CNOT10: variants seen among roughly 807,000 people sequenced by gnomAD.
The protein encoded by CNOT10 is CCR4-NOT transcription complex, subunit 10.
Under a neutral mutation model 94.6 loss-of-function variants are expected in CNOT10, and 30 were observed. The ratio of observed to expected loss-of-function variants is 0.32; its 90% CI spans 0.24 to 0.43. CNOT10 has a LOEUF of 0.43. Among genes scored for constraint, CNOT10 ranks in the 20% least tolerant of loss-of-function variants. The pLI, the probability that CNOT10 is intolerant of heterozygous loss-of-function variation, is 1.00. For synonymous variants in CNOT10, 289 were observed against 301.6 expected (o/e 0.96, Z 0.43); for missense variants, 759 against 877.2 (o/e 0.87, Z 1.70).
chr3:32,746,167 A>G (rs963752488), intron 13 of CNOT10, among the ~76,000 whole-genome samples: 1 of 152,196 alleles, frequency 6.6e-6, no homozygotes, highest in Non-Finnish European at 1.5e-5. Context: ...AAATCAGAAC[A>G]GTGGTTGCGG....
At chr3:32,729,280 T>C (rs1698830694) in intron 10 of CNOT10, among the ~76,000 whole-genome samples, 1 of 152,224 alleles carries the variant, frequency 6.6e-6, no homozygotes, top group Non-Finnish European at 1.5e-5. Context: ...ATTTCCATGC[T>C]TAGATAATCT....
intron 1 of CNOT10, chr3:32,695,653 A>G: frequency 1.3e-6 from 2 of 1,536,052 alleles, no homozygotes; most frequent in South Asian, 1.2e-5. Context: ...AAAGACTGTC[A>G]AGGTTTGTGG....
chr3:32,695,650 G>GTCA (rs1559476000), intron 1 of CNOT10: 6 of 1,536,026 alleles, frequency 3.9e-6, no homozygotes, highest in Non-Finnish European at 5.2e-6. Flanking sequence ...TGTAAAGACT[G>GTCA]TCAAGGTTTG....
intron 3 of CNOT10, among the ~76,000 whole-genome samples, chr3:32,706,358 C>T (rs1002011775): frequency 6.6e-6 from 1 of 152,178 alleles, no homozygotes; most frequent in African/African-American, 2.4e-5. Context: ...TTCCTGCAAA[C>T]TTCCAGTTAG....
intron 13 of CNOT10, among the ~76,000 whole-genome samples, chr3:32,750,576 A>G (rs1699920651): frequency 6.6e-6 from 1 of 151,966 alleles, no homozygotes; most frequent in African/African-American, 2.4e-5. Context: ...TTTTTGAGAC[A>G]GAGTCTCACT....
chr3:32,752,658 T>C (rs1019206852), intron 13 of CNOT10, among the ~76,000 whole-genome samples: 2 of 152,204 alleles, frequency 1.3e-5, no homozygotes, highest in African/African-American at 4.8e-5. Flanking sequence ...AAAAACTAAT[T>C]GAACAACTAA....
intron 13 of CNOT10, among the ~76,000 whole-genome samples, chr3:32,749,622 C>G (rs1699869536): frequency 6.6e-6 from 1 of 151,996 alleles, no homozygotes; most frequent in Non-Finnish European, 1.5e-5. Context: ...GTTGGTCATG[C>G]TGGTCTCGAA....
chr3:32,766,622 G>T (rs62251889), intron 17 of CNOT10, among the ~76,000 whole-genome samples: 1 of 134,014 alleles, frequency 7.5e-6, no homozygotes, highest in Admixed American at 7.8e-5. Context: ...AACAGAGCGG[G>T]ACTCTGTCTC....
At chr3:32,734,652 C>A in intron 11 of CNOT10, 148 bp from the exon 12 acceptor site, 1 of 601,136 alleles carries the variant, frequency 1.7e-6, no homozygotes, top group Non-Finnish European at 2.8e-6. Flanking sequence ...GGTTCTTTAG[C>A]ATGCTTTTAT....
At chr3:32,758,506 A>G (rs1700308674) in intron 13 of CNOT10, among the ~76,000 whole-genome samples, 1 of 152,330 alleles carries the variant, frequency 6.6e-6, no homozygotes, top group East Asian at 1.9e-4. Context: ...CTCTGTGGTG[A>G]TATACTGGTT....
chr3:32,771,927 A>G (rs1467735737), intron 18 of CNOT10, among the ~76,000 whole-genome samples: 3 of 152,230 alleles, frequency 2.0e-5, no homozygotes, highest in Non-Finnish European at 4.4e-5. Flanking sequence ...TATTTATTCA[A>G]ACATAAATTC....
intron 4 of CNOT10, among the ~76,000 whole-genome samples, 181 bp downstream of exon 4, chr3:32,709,001 C>T (rs1697750838): frequency 6.6e-6 from 1 of 152,086 alleles, no homozygotes; most frequent in Admixed American, 6.6e-5. Context: ...TTTGAGTGTC[C>T]CTTCCCAAAT....
intron 10 of CNOT10, among the ~76,000 whole-genome samples, chr3:32,731,946 G>C (rs926136652): frequency 3.3e-5 from 5 of 151,988 alleles, no homozygotes; most frequent in African/African-American, 1.2e-4. Flanking sequence ...GGTTGTTGTG[G>C]CACCCACCTG....
At chr3:32,696,136 T>C (rs1697055250) in intron 1 of CNOT10, among the ~76,000 whole-genome samples, 1 of 151,792 alleles carries the variant, frequency 6.6e-6, no homozygotes, top group African/African-American at 2.4e-5. Context: ...GCTGACATGG[T>C]AAAACCCTGC....
At chr3:32,773,217 TA>T (rs1700990787) in intron 18 of CNOT10, among the ~76,000 whole-genome samples, 1 of 152,186 alleles carries the variant, frequency 6.6e-6, no homozygotes, top group Non-Finnish European at 1.5e-5. Context: ...ACCTGGGCTA[TA>T]CCTTAGAATC....
At chr3:32,710,338 T>G (rs1697828220) in intron 4 of CNOT10, among the ~76,000 whole-genome samples, 1 of 151,462 alleles carries the variant, frequency 6.6e-6, no homozygotes, top group Non-Finnish European at 1.5e-5. Flanking sequence ...TTAGAGAAGG[T>G]TTAGATTTAC....
intron 13 of CNOT10, among the ~76,000 whole-genome samples, chr3:32,741,768 C>CAAAAAAAAAAAAA (rs529423159): frequency 1.8e-4 from 16 of 86,540 alleles, no homozygotes; most frequent in African/African-American, 5.3e-4. Flanking sequence ...GACTCCGTCT[C>CAAAAAAAAAAAAA]AAAAAAAAAA....
chr3:32,737,582 T>C, intron 13 of CNOT10, 92 bp downstream of exon 13: 4 of 759,488 alleles, frequency 5.3e-6, no homozygotes, highest in Admixed American at 2.7e-5. Flanking sequence ...CCCAGCACTT[T>C]GGGAGGCCGA....
intron 9 of CNOT10, among the ~76,000 whole-genome samples, chr3:32,726,836 ATT>A (rs56273006): frequency 0.79 from 63,490 of 80,746 alleles, 26,033 homozygotes; most frequent in South Asian, 0.93. Context: ...ACCAAGATGA[ATT>A]TTTTTTTTTT....
Sources: allele counts gnomAD v4.1 joint callset (sites outside exome capture counted in the v4.1 genomes callset), GRCh38; gene constraint gnomAD v4.1.1; transcripts MANE v1.5; gene names NCBI Gene and HGNC (gene_info 2026-07-23, HGNC 2026-07-21).